The following SMKR1 variants were observed in gnomAD, a reference collection of about 807,000 sequenced individuals.
SMKR1 encodes the protein small lysine-rich protein 1.
In SMKR1, 4 loss-of-function variants were observed where a neutral mutation model predicts 4.0. The ratio of observed to expected loss-of-function variants is 1.00; its 90% confidence interval spans 0.49 to 2.30. SMKR1 has a LOEUF of 2.30. Ranked by LOEUF, SMKR1 falls within the 30% of genes most tolerant of loss-of-function variation. The pLI, the probability that SMKR1 is intolerant of heterozygous loss-of-function variation, is 0.02. For synonymous variants in SMKR1, 38 were observed against 32.5 expected (o/e 1.17, Z -0.58); for missense variants, 56 against 81.8 (o/e 0.68, Z 1.22).
intron 1 of SMKR1, 139 bp downstream of exon 1, chr7:129,502,966 A>C: frequency 7.8e-7 from 1 of 1,274,688 alleles, no homozygotes; most frequent in Non-Finnish European, 1.1e-6. Flanking sequence ...ATGGAGGGAC[A>C]AGGGGTGCCC....
intron 1 of SMKR1, among the ~76,000 whole-genome samples, chr7:129,505,273 G>A (rs1177379018): frequency 6.6e-6 from 1 of 152,160 alleles, no homozygotes; most frequent in Non-Finnish European, 1.5e-5. Context: ...TGCGGGGAAG[G>A]AGATGGACAG....
chr7:129,506,576 C>G (rs991246261), intron 1 of SMKR1, among the ~76,000 whole-genome samples: 1 of 152,078 alleles, frequency 6.6e-6, no homozygotes, highest in African/African-American at 2.4e-5. Flanking sequence ...TCTCTTGCCC[C>G]TCTCTGTACC....
At chr7:129,507,242 C>T (rs1799479594) in intron 1 of SMKR1, among the ~76,000 whole-genome samples, 1 of 152,150 alleles carries the variant, frequency 6.6e-6, no homozygotes, top group Non-Finnish European at 1.5e-5. Context: ...GTCTCGATCT[C>T]CTGACTTTGT....
At chr7:129,506,701 T>TA (rs941449723) in intron 1 of SMKR1, among the ~76,000 whole-genome samples, 13 of 151,182 alleles carry the variant, frequency 8.6e-5, no homozygotes, top group African/African-American at 2.4e-4. Context: ...TTTTTTTTTT[T>TA]ACTGACTTTT....
intron 1 of SMKR1, 133 bp downstream of exon 1, chr7:129,502,960 A>AG (rs1356494806): frequency 6.8e-6 from 9 of 1,327,184 alleles, no homozygotes; most frequent in Non-Finnish European, 9.2e-6. Flanking sequence ...GAAAAGATGG[A>AG]GGGACAAGGG....
At chr7:129,510,776 C>A (rs1368560506) in intron 1 of SMKR1, among the ~76,000 whole-genome samples, 1 of 151,798 alleles carries the variant, frequency 6.6e-6, no homozygotes, top group Admixed American at 6.6e-5. Flanking sequence ...GTATTTGTCT[C>A]ACATCAGACA....
intron 1 of SMKR1, among the ~76,000 whole-genome samples, chr7:129,510,847 C>A (rs541595479): frequency 3.1e-4 from 47 of 151,948 alleles, no homozygotes; most frequent in Admixed American, 4.6e-4. Context: ...CTCGCTCTGT[C>A]CCCCAGGCTG....
chr7:129,510,122 T>C (rs1799511548), intron 1 of SMKR1, among the ~76,000 whole-genome samples: 2 of 152,232 alleles, frequency 1.3e-5, no homozygotes, highest in African/African-American at 4.8e-5. Context: ...CCAAAAACTA[T>C]AACCCTTCTA....
At chr7:129,505,815 A>T (rs928296838) in intron 1 of SMKR1, among the ~76,000 whole-genome samples, 4 of 152,196 alleles carry the variant, frequency 2.6e-5, no homozygotes, top group Admixed American at 6.5e-5. Context: ...ATATTTGAGC[A>T]GAGGCTAGCG....
chr7:129,502,650 C>A lies in SMKR1; in HGVS notation c.-175C>A. 1 of 935,496 alleles carries A rather than the reference C, an allele frequency of 1.1e-6. No individual in the cohort carries two copies. The highest frequency in any genetic ancestry group is 1.5e-6 in the Non-Finnish European group (1 of 660,546). 57.9% of individuals were successfully genotyped at this position (935,496 alleles called of 1,614,324 possible). On this transcript the variant is annotated 5_prime_UTR_variant, in exon 1 of 2. Coordinates refer to ENST00000462322, the MANE Select transcript of SMKR1 (RefSeq NM_001195243.2). ...CCCGAGCCGGCCGCGCTCCTCCCAGCGAGGCGTGGCGGGGAGGCGTAGTGA... is the reference window on the plus strand; with the variant it reads ...CCCGAGCCGGCCGCGCTCCTCCCAGAGAGGCGTGGCGGGGAGGCGTAGTGA...
At position 129,512,299 on chromosome 7, in the gene SMKR1, A is replaced by T; in HGVS notation, c.56A>T (p.Gln19Leu). Reference sequence around the variant, plus strand: ...CAGGGCAAGTCTCATGGGAAGAAACAGAAGAAACCAGAAGTGGACATTCTC... The same window carrying T: ...CAGGGCAAGTCTCATGGGAAGAAACTGAAGAAACCAGAAGTGGACATTCTC... ...KGQGKSHGKKQKKPEVDILSP... is the reference protein window; with the variant it reads ...KGQGKSHGKKLKKPEVDILSP... The change falls in exon 2 of 2, where the codon CAG (glutamine) becomes CTG (leucine). Residue 19 changes from glutamine to leucine, a missense_variant. Physicochemically the swap from Gln to Leu is moderately radical, Grantham distance 113. Transcript: ENST00000462322. 6.5e-7 allele frequency: 1 copy of T among 1,535,398 alleles called. No individual in the cohort carries two copies. Among genetic ancestry groups the T allele is most frequent in the Non-Finnish European group, 8.7e-7 (1 of 1,146,614 alleles).
In SMKR1 at chr7:129,512,606, C is replaced by G. The variant is rs1799538925; in HGVS notation, c.*165C>G. The G allele has an allele frequency of 9.5e-6, 7 of 737,198 alleles. No homozygotes were observed. The East Asian group carries it at 2.1e-4, about 22-fold the overall frequency. 45.7% of individuals were successfully genotyped at this position (737,198 alleles called of 1,614,324 possible). On this transcript the variant is annotated 3_prime_UTR_variant, in exon 2 of 2. Transcript: ENST00000462322. ...GAAGATCAGGAAATGCACCTTACTT[C>G]CTCTGTTATGCCAGATATGGTTAGC...
Position 129,512,271 on chromosome 7 carries a change from G to A in SMKR1, c.28G>A (p.Gly10Ser). 2 of 1,529,960 alleles carry A rather than the reference G, an allele frequency of 1.3e-6. No individual in the cohort carries two copies. Among genetic ancestry groups the A allele is most frequent in the Non-Finnish European group, 1.7e-6 (2 of 1,145,358 alleles). The allele number at this position is 1,529,960 out of a possible 1,614,324, so 94.8% of individuals were successfully genotyped here. Reference protein sequence around the residue: MPAKGKKGKGQGKSHGKKQK... With the variant: MPAKGKKGKSQGKSHGKKQK... ...GCCAGCTAAAGGGAAAAAAGGAAAAGGCCAGGGCAAGTCTCATGGGAAGAA... is the reference window on the plus strand; with the variant it reads ...GCCAGCTAAAGGGAAAAAAGGAAAAAGCCAGGGCAAGTCTCATGGGAAGAA... Residue 10 changes from glycine (G) to serine (S), a missense_variant, in exon 2 of 2, where the codon GGC (glycine) becomes AGC (serine). By Grantham distance (56) the Gly-to-Ser change is moderately conservative (BLOSUM62 0). Coordinates refer to ENST00000462322, the MANE Select transcript of SMKR1 (RefSeq NM_001195243.2).
intron 1 of SMKR1, among the ~76,000 whole-genome samples, chr7:129,503,973 A>G (rs1799439151): frequency 2.0e-5 from 3 of 151,788 alleles, no homozygotes; most frequent in Admixed American, 2.0e-4. Context: ...GACCGTAGGC[A>G]GGCATCACCA....
At chr7:129,510,734 AAAGG>A (rs1436307214) in intron 1 of SMKR1, among the ~76,000 whole-genome samples, 1 of 152,136 alleles carries the variant, frequency 6.6e-6, no homozygotes, top group African/African-American at 2.4e-5. Flanking sequence ...TCTCCAAAAA[AAAGG>A]AAGGTGATGA....
chr7:129,506,086 T>C (rs539054288), intron 1 of SMKR1, among the ~76,000 whole-genome samples: 3 of 152,288 alleles, frequency 2.0e-5, no homozygotes, highest in Non-Finnish European at 4.4e-5. Flanking sequence ...ATTATTCCCA[T>C]GTAATAATTT....
At chr7:129,511,900 C>T (rs1799529976) in intron 1 of SMKR1, among the ~76,000 whole-genome samples, 1 of 151,998 alleles carries the variant, frequency 6.6e-6, no homozygotes, top group East Asian at 1.9e-4. Flanking sequence ...AAAACTAACT[C>T]GGCCTGGCAA....
chr7:129,506,582 G>C (rs1486704019), intron 1 of SMKR1, among the ~76,000 whole-genome samples: 1 of 151,632 alleles, frequency 6.6e-6, no homozygotes, highest in African/African-American at 2.4e-5. Context: ...GCCCCTCTCT[G>C]TACCCCTACT....
chr7:129,512,442 C>T lies in SMKR1; in HGVS notation c.*1C>T. ...AGGAAAGAAAGGGAGAAGCAAGTGA[C>T]AGCATTTCACAACACATCTCTGTTA... On this transcript the variant is annotated 3_prime_UTR_variant, in exon 2 of 2. Coordinates refer to ENST00000462322, the MANE Select transcript of SMKR1 (RefSeq NM_001195243.2). 1 of 1,533,196 alleles carries T rather than the reference C, an allele frequency of 6.5e-7. No homozygotes were observed. The highest frequency in any genetic ancestry group is 8.7e-7 in the Non-Finnish European group (1 of 1,145,934). 95.0% of individuals were successfully genotyped at this position (1,533,196 alleles called of 1,614,324 possible). A position where few individuals can be genotyped will look rare whatever the true frequency, so the allele number is the denominator to read the frequency against.
Sources: gnomAD v4.1 joint callset for allele counts (sites outside exome capture counted in the v4.1 genomes callset) on GRCh38, gnomAD v4.1.1 for gene constraint, MANE v1.5 for transcripts, NCBI Gene and HGNC (gene_info 2026-07-23, HGNC 2026-07-21) for gene names.